Variants in RBPMS observed in about 807,000 individuals in gnomAD.
RBPMS encodes RNA binding protein, mRNA processing factor, also known as RNA-binding protein with multiple splicing.
RBPMS carries 7 observed loss-of-function variants against 26.8 expected under a neutral mutation model. The ratio of observed to expected loss-of-function variants is 0.26; its 90% CI spans 0.15 to 0.49. RBPMS has a LOEUF of 0.49. Ranked by LOEUF, RBPMS falls within the 20% of genes least tolerant of loss-of-function variation. The pLI, the probability that RBPMS is intolerant of heterozygous loss-of-function variation, is 0.98. For synonymous variants in RBPMS, 96 were observed against 93.3 expected, an observed-to-expected ratio of 1.03 and a Z score of -0.17; for missense variants, 186 against 250.0, an observed-to-expected ratio of 0.74 and a Z score of 1.73.
At chr8:30,548,900 C>T (rs1826069454) in intron 6 of RBPMS, among the ~76,000 whole-genome samples, 1 of 152,220 alleles carries the variant, frequency 6.6e-6, no homozygotes, top group African/African-American at 2.4e-5. Flanking sequence ...AAAAAAGACA[C>T]AAGGACTTCT....
intron 6 of RBPMS, among the ~76,000 whole-genome samples, chr8:30,546,651 C>T (rs993167448): frequency 2.0e-5 from 3 of 152,226 alleles, no homozygotes; most frequent in Non-Finnish European, 2.9e-5. Flanking sequence ...TCTGCCACAT[C>T]GGTCCCAGAT....
intron 1 of RBPMS, among the ~76,000 whole-genome samples, chr8:30,461,322 A>C (rs766610814): frequency 3.3e-5 from 5 of 152,194 alleles, no homozygotes; most frequent in Non-Finnish European, 5.9e-5. Flanking sequence ...ATTTAAGTTT[A>C]TTTAACGTAT....
intron 1 of RBPMS, among the ~76,000 whole-genome samples, chr8:30,444,144 CCTTGGCCTCCCAAATTG>C (rs1163382019): frequency 6.6e-6 from 1 of 152,140 alleles, no homozygotes; most frequent in Non-Finnish European, 1.5e-5. Context: ...GATCCTCCGG[CCTTGGCCTCCCAAATTG>C]CTGGGATTAC....
chr8:30,424,750 G>C (rs915622871), intron 1 of RBPMS, among the ~76,000 whole-genome samples: 3 of 152,138 alleles, frequency 2.0e-5, no homozygotes, highest in Admixed American at 6.5e-5. Context: ...CTTATTATTA[G>C]ACATAGTAAC....
At chr8:30,484,564 T>C (rs1818597388) in intron 4 of RBPMS, among the ~76,000 whole-genome samples, 1 of 152,264 alleles carries the variant, frequency 6.6e-6, no homozygotes, top group East Asian at 1.9e-4. Context: ...CAGACTTCCA[T>C]TGCAAAGAAA....
At chr8:30,502,414 A>G (rs1401666975) in intron 4 of RBPMS, among the ~76,000 whole-genome samples, 1 of 152,166 alleles carries the variant, frequency 6.6e-6, no homozygotes, top group Non-Finnish European at 1.5e-5. Flanking sequence ...GATGCTCTAG[A>G]CCACAACTAG....
chr8:30,536,407 G>A (rs1042164049), intron 5 of RBPMS, among the ~76,000 whole-genome samples: 11 of 152,162 alleles, frequency 7.2e-5, no homozygotes, highest in African/African-American at 2.2e-4. Context: ...GACTATAAGC[G>A]TGAGCCACCG....
chr8:30,426,797 T>C (rs1239656328), intron 1 of RBPMS, among the ~76,000 whole-genome samples: 5 of 151,808 alleles, frequency 3.3e-5, no homozygotes, highest in African/African-American at 1.2e-4. Flanking sequence ...TGGGGGATCG[T>C]TGATCCCTTT....
chr8:30,567,436 C>A (rs1057342921), intron 8 of RBPMS, among the ~76,000 whole-genome samples: 1 of 152,220 alleles, frequency 6.6e-6, no homozygotes, highest in African/African-American at 2.4e-5. Context: ...GCTTTTTTCA[C>A]ATCACATAGG....
chr8:30,421,954 C>A (rs1810842047), intron 1 of RBPMS, among the ~76,000 whole-genome samples: 1 of 148,630 alleles, frequency 6.7e-6, no homozygotes. Context: ...GACTCTGTCT[C>A]AAAAAAGAAA....
rs1436067173 is a variant in RBPMS at position 30,561,903 on chromosome 8, G to A, written c.*7+2947G>A. 3 of 985,190 alleles carry A rather than the reference G, an allele frequency of 3.0e-6. No homozygotes were observed. In the African/African-American group the frequency reaches 5.2e-5, roughly 17 times the overall value. The allele number at this position is 985,190 out of a possible 1,614,324, so 61.0% of individuals were successfully genotyped here. Reference sequence around the variant, plus strand: ...GTGACAGAGATCCTGGGTTTCATTTGTATCTGCTCACCTAATTTTTTTCCA... The same window carrying A: ...GTGACAGAGATCCTGGGTTTCATTTATATCTGCTCACCTAATTTTTTTCCA... On this transcript the variant is annotated intron_variant, in intron 7 of 8. Transcript: ENST00000397323.
chr8:30,435,593 A>G (rs767832172), intron 1 of RBPMS, among the ~76,000 whole-genome samples: 27 of 152,208 alleles, frequency 1.8e-4, no homozygotes, highest in Non-Finnish European at 3.7e-4. Context: ...TGTGGGTCAG[A>G]GGGTACTGTG....
intron 5 of RBPMS, among the ~76,000 whole-genome samples, chr8:30,531,867 G>A (rs1008811683): frequency 6.6e-6 from 1 of 152,218 alleles, no homozygotes; most frequent in African/African-American, 2.4e-5. Context: ...GACACCTGGA[G>A]CTGCTTGTTG....
At chr8:30,392,784 G>A (rs1563279920) in intron 1 of RBPMS, among the ~76,000 whole-genome samples, 1 of 152,162 alleles carries the variant, frequency 6.6e-6, no homozygotes, top group Admixed American at 6.5e-5. Context: ...GCTAAGTGAC[G>A]GTTGTATTTG....
chr8:30,536,002 T>TAATG (rs754406242), intron 5 of RBPMS, among the ~76,000 whole-genome samples: 6 of 151,990 alleles, frequency 3.9e-5, no homozygotes, highest in Non-Finnish European at 7.4e-5. Flanking sequence ...AATCAATAAA[T>TAATG]AATGAATGAA....
intron 1 of RBPMS, among the ~76,000 whole-genome samples, chr8:30,418,523 T>C (rs1810362698): frequency 6.6e-6 from 1 of 152,174 alleles, no homozygotes; most frequent in South Asian, 2.1e-4. Context: ...TGGTTATCTT[T>C]TGTCTATTTT....
At chr8:30,430,242 G>GGATGGATA (rs1302672173) in intron 1 of RBPMS, among the ~76,000 whole-genome samples, 1 of 152,062 alleles carries the variant, frequency 6.6e-6, no homozygotes, top group African/African-American at 2.4e-5. Flanking sequence ...ATGGATGGAT[G>GGATGGATA]GATAGATAAA....
intron 1 of RBPMS, among the ~76,000 whole-genome samples, chr8:30,437,666 C>A (rs1369646218): frequency 6.6e-6 from 1 of 152,164 alleles, no homozygotes; most frequent in East Asian, 1.9e-4. Flanking sequence ...TATTGCTTGC[C>A]TGTAATCCCA....
At chr8:30,446,419 T>G (rs1214447663) in intron 1 of RBPMS, among the ~76,000 whole-genome samples, 2 of 152,122 alleles carry the variant, frequency 1.3e-5, no homozygotes, top group Non-Finnish European at 2.9e-5. Context: ...TTACTACAGG[T>G]AGACTACTTC....
Sources: allele counts gnomAD v4.1 joint callset (sites outside exome capture counted in the v4.1 genomes callset), GRCh38; gene constraint gnomAD v4.1.1; transcripts MANE v1.5; gene names NCBI Gene and HGNC (gene_info 2026-07-23, HGNC 2026-07-21).